Variants in SLC2A9 observed in about 807,000 individuals in gnomAD.
SLC2A9 encodes the protein solute carrier family 2, facilitated glucose transporter member 9.
A neutral mutation model predicts 50.6 loss-of-function variants in SLC2A9; 39 were observed. That is an observed-to-expected ratio of 0.77 (90% CI 0.60 to 1.01). SLC2A9 has a LOEUF of 1.01. SLC2A9 is among the 50% of genes least tolerant of loss of function. SLC2A9 has a pLI of 0.00. For synonymous variants in SLC2A9, 324 were observed against 276.9 expected, an observed-to-expected ratio of 1.17 and a Z score of -1.69; for missense variants, 686 against 677.6, an observed-to-expected ratio of 1.01 and a Z score of -0.14.
intron 11 of SLC2A9, 70 bp from the exon 12 acceptor site, chr4:9,826,670 C>A: frequency 2.1e-6 from 3 of 1,432,700 alleles, no homozygotes; most frequent in East Asian, 2.3e-5. Context: ...CATCTCTACA[C>A]AGATTTTTAA....
In SLC2A9 at chr4:9,887,548, G is replaced by A; in HGVS notation, c.1291+19C>T. 1 of 1,550,814 alleles carries A rather than the reference G, an allele frequency of 6.4e-7. No individual in the cohort carries two copies. Among genetic ancestry groups the A allele is most frequent in the Non-Finnish European group, 8.7e-7 (1 of 1,147,632 alleles). On this transcript the variant is annotated intron_variant, in intron 10 of 11. Coordinates refer to ENST00000264784, the MANE Select transcript of SLC2A9 (RefSeq NM_020041.3). ...CATGAGTCCCTGGGCGGGGCAGTGGGGAGGGTGGGGTGCCTTACCTGGCCC... is the reference window on the plus strand; with the variant it reads ...CATGAGTCCCTGGGCGGGGCAGTGGAGAGGGTGGGGTGCCTTACCTGGCCC...
chr4:9,856,240 C>A (rs1730693783), intron 10 of SLC2A9, among the ~76,000 whole-genome samples: 3 of 152,142 alleles, frequency 2.0e-5, no homozygotes, highest in Middle Eastern at 3.4e-3. Context: ...ATATCCAGAA[C>A]CTGTAAGGAA....
At chr4:9,955,195 TATAAA>T (rs1751004699) in intron 5 of SLC2A9, among the ~76,000 whole-genome samples, 3 of 151,404 alleles carry the variant, frequency 2.0e-5, no homozygotes, top group African/African-American at 7.3e-5. Context: ...AAGCATAACA[TATAAA>T]ACTCCAAGTC....
At chr4:10,022,568 T>A (rs1335530112), upstream of SLC2A9, among the ~76,000 whole-genome samples, 3 of 152,140 alleles carry the variant, frequency 2.0e-5, no homozygotes, top group East Asian at 3.9e-4. Context: ...GCTAGAACAG[T>A]TTGCTCCCAG....
chr4:9,837,660 A>G (rs550447576), intron 10 of SLC2A9, among the ~76,000 whole-genome samples: 9 of 152,336 alleles, frequency 5.9e-5, no homozygotes, highest in Non-Finnish European at 1.0e-4. Context: ...ATCCTAGCAC[A>G]GTGCTGAACA....
At chr4:9,785,069 G>A (rs1719043910) in intron 3 of SLC2A9, among the ~76,000 whole-genome samples, 1 of 152,170 alleles carries the variant, frequency 6.6e-6, no homozygotes, top group South Asian at 2.1e-4. Flanking sequence ...TCCGTGTTCA[G>A]TTTCTGACCT....
At chr4:9,955,866 G>GTTTT (rs1310224829) in intron 5 of SLC2A9, among the ~76,000 whole-genome samples, 5 of 81,608 alleles carry the variant, frequency 6.1e-5, no homozygotes, top group African/African-American at 1.8e-4. Flanking sequence ...CAAGCATCTG[G>GTTTT]ATTTTTTTTT....
chr4:9,829,023 AGCT>A (rs1473445349), intron 11 of SLC2A9, among the ~76,000 whole-genome samples: 1 of 152,198 alleles, frequency 6.6e-6, no homozygotes, highest in Non-Finnish European at 1.5e-5. Flanking sequence ...ACACCCACAC[AGCT>A]GCCTCTTGCT....
chr4:9,989,740 C>A (rs912915220), intron 3 of SLC2A9, among the ~76,000 whole-genome samples: 1 of 152,076 alleles, frequency 6.6e-6, no homozygotes, highest in Non-Finnish European at 1.5e-5. Context: ...TCTCAACCCT[C>A]GCCTGCAAAG....
chr4:10,039,728 C>T (rs1764220188), intron 1 of SLC2A9, among the ~76,000 whole-genome samples: 1 of 152,214 alleles, frequency 6.6e-6, no homozygotes, highest in South Asian at 2.1e-4. Context: ...CACCATGGCC[C>T]ATCTCCACTC....
intron 1 of SLC2A9, among the ~76,000 whole-genome samples, chr4:10,031,651 T>C (rs889014878): frequency 6.6e-6 from 1 of 152,236 alleles, no homozygotes; most frequent in Non-Finnish European, 1.5e-5. Flanking sequence ...ATGTTTCTGC[T>C]TATGAAATTC....
At chr4:9,940,550 C>T (rs886758259) in intron 6 of SLC2A9, among the ~76,000 whole-genome samples, 5 of 152,174 alleles carry the variant, frequency 3.3e-5, no homozygotes, top group Admixed American at 2.6e-4. Context: ...TTGAAGAAAA[C>T]ACTATCATTT....
intron 1 of SLC2A9, among the ~76,000 whole-genome samples, 174 bp downstream of exon 1, chr4:10,021,106 G>A (rs1357626026): frequency 6.6e-6 from 1 of 152,216 alleles, no homozygotes; most frequent in Non-Finnish European, 1.5e-5. Flanking sequence ...GAGAGAGCAT[G>A]CCAAAGTCAC....
intron 10 of SLC2A9, among the ~76,000 whole-genome samples, chr4:9,884,173 C>T (rs775972598): frequency 2.6e-5 from 4 of 152,200 alleles, no homozygotes; most frequent in Non-Finnish European, 4.4e-5. Context: ...AGGCAGCTAG[C>T]GTTACACTGA....
chr4:9,855,888 C>CT (rs1318877512), intron 10 of SLC2A9, among the ~76,000 whole-genome samples: 1 of 152,136 alleles, frequency 6.6e-6, no homozygotes, highest in African/African-American at 2.4e-5. Flanking sequence ...ATAAATGGTG[C>CT]TGGGATAATT....
chr4:9,838,228 G>A (rs2109183696), intron 10 of SLC2A9, among the ~76,000 whole-genome samples: 1 of 152,166 alleles, frequency 6.6e-6, no homozygotes, highest in South Asian at 2.1e-4. Context: ...AGATGATGAT[G>A]GTAATGATGA....
At chr4:10,023,220 G>T (rs1351854474), upstream of SLC2A9, among the ~76,000 whole-genome samples, 1 of 152,202 alleles carries the variant, frequency 6.6e-6, no homozygotes, top group Non-Finnish European at 1.5e-5. Flanking sequence ...AGGCACAGAT[G>T]CCTGCAGTGT....
chr4:9,809,786 T>A (rs1418925088), intron 3 of SLC2A9, among the ~76,000 whole-genome samples: 1 of 152,110 alleles, frequency 6.6e-6, no homozygotes, highest in Non-Finnish European at 1.5e-5. Context: ...GCTATTACTA[T>A]CAATGGTTTT....
intron 3 of SLC2A9, among the ~76,000 whole-genome samples, chr4:9,811,545 C>G (rs539032701): frequency 1.3e-5 from 2 of 152,260 alleles, no homozygotes; most frequent in South Asian, 4.2e-4. Context: ...TTCTAGCCAT[C>G]CCAGTTGAGT....
Sources: gnomAD v4.1 joint callset for allele counts (sites outside exome capture counted in the v4.1 genomes callset) on GRCh38, gnomAD v4.1.1 for gene constraint, MANE v1.5 for transcripts, NCBI Gene and HGNC (gene_info 2026-07-23, HGNC 2026-07-21) for gene names.